The following FAM13A variants were observed in gnomAD, a reference collection of about 807,000 sequenced individuals.
FAM13A encodes the protein family with sequence similarity 13 member A.
FAM13A carries 76 observed loss-of-function variants against 129.6 expected under a neutral mutation model. The observed-to-expected ratio is 0.59, with a 90% confidence interval of 0.49 to 0.71. The LOEUF (loss-of-function observed/expected upper bound fraction) is 0.71. FAM13A is among the 30% of genes least tolerant of loss of function. The pLI is 0.00. For missense variants in FAM13A, 1,108 were observed against 1,249.3 expected, an observed-to-expected ratio of 0.89 and a Z score of 1.70; for synonymous variants, 443 against 449.9, an observed-to-expected ratio of 0.98 and a Z score of 0.20.
chr4:88,857,612 G>A (rs1354993994), intron 6 of FAM13A, among the ~76,000 whole-genome samples: 1 of 126,736 alleles, frequency 7.9e-6, no homozygotes, highest in African/African-American at 3.0e-5. Flanking sequence ...CTGGGCAACA[G>A]AGCAAGATTC....
rs534887444 is a variant in FAM13A at position 88,751,771 on chromosome 4, T to G, written c.1727-1134A>C. ...AAAAGATTTAAAAAATAGATGTCGA[T>G]GATATAAGGTATTTCATTTGTAATG... On this transcript the variant is annotated intron_variant, in intron 14 of 23. Transcript: ENST00000264344. Among the ~76,000 whole-genome samples, 7 of 152,324 alleles carry G rather than the reference T, an allele frequency of 4.6e-5. No homozygotes were observed. In the South Asian group the frequency reaches 1.5e-3, roughly 32 times the overall value.
At chr4:89,035,082 A>G (rs1769198809) in intron 1 of FAM13A, among the ~76,000 whole-genome samples, 1 of 152,198 alleles carries the variant, frequency 6.6e-6, no homozygotes, top group Non-Finnish European at 1.5e-5. Context: ...CTGGACATGG[A>G]TGCAGCTGGA....
At chr4:88,746,029 A>G (rs1377441500) in intron 19 of FAM13A, among the ~76,000 whole-genome samples, 2 of 152,142 alleles carry the variant, frequency 1.3e-5, no homozygotes, top group Non-Finnish European at 2.9e-5. Flanking sequence ...CACACCTTAG[A>G]GTCTAGTGAA....
intron 3 of FAM13A, among the ~76,000 whole-genome samples, chr4:89,016,614 C>A (rs898901872): frequency 2.6e-5 from 4 of 151,990 alleles, no homozygotes; most frequent in African/African-American, 9.7e-5. Context: ...TATATTTTTA[C>A]GTACCTTTTC....
At chr4:88,966,434 G>A (rs1264955015) in intron 4 of FAM13A, among the ~76,000 whole-genome samples, 4 of 152,170 alleles carry the variant, frequency 2.6e-5, no homozygotes, top group Non-Finnish European at 5.9e-5. Context: ...AGTTTCACCT[G>A]TCCTCTCTTA....
chr4:88,873,662 C>G (rs1007303829), intron 6 of FAM13A, among the ~76,000 whole-genome samples: 1 of 151,904 alleles, frequency 6.6e-6, no homozygotes, highest in African/African-American at 2.4e-5. Flanking sequence ...GCCTACCAAC[C>G]AAAAAAAGTC....
At chr4:88,817,793 T>C (rs1423241637) in intron 7 of FAM13A, among the ~76,000 whole-genome samples, 2 of 152,166 alleles carry the variant, frequency 1.3e-5, no homozygotes, top group African/African-American at 4.8e-5. Context: ...TCTTCCAATA[T>C]TGATGCGATG....
intron 4 of FAM13A, among the ~76,000 whole-genome samples, chr4:88,960,451 C>T (rs779006882): frequency 2.0e-5 from 3 of 152,156 alleles, no homozygotes; most frequent in Non-Finnish European, 2.9e-5. Context: ...ACAAGTTAGC[C>T]TGCCCAAATA....
chr4:88,943,762 G>A (rs1755168062), intron 4 of FAM13A, among the ~76,000 whole-genome samples: 2 of 152,138 alleles, frequency 1.3e-5, no homozygotes, highest in Non-Finnish European at 1.5e-5. Context: ...TACTAACTAA[G>A]CTCAAATAGA....
rs766635116 is a variant in FAM13A, at chr4:88,750,607, C to G, written c.1757G>C (p.Arg586Pro). 1.2e-6 allele frequency: 2 copies of G among 1,613,966 alleles called. No individual in the cohort carries two copies. Among genetic ancestry groups the G allele is most frequent in the South Asian group, 1.1e-5 (1 of 91,070 alleles). Residue 586 changes from arginine to proline, a missense_variant, in exon 15 of 24, where the codon CGG becomes CCG. Coordinates refer to ENST00000264344, the MANE Select transcript of FAM13A (RefSeq NM_014883.4). ...EPIPAFSSWQ[R>P]ENSDSDEAHL... is the part of the protein sequence containing the mutation. ...GGCTTCATCAGAGTCACTGTTCTCC[C>G]GCTGCCAGGAGGAGAAAGCAGGGAT...
At chr4:89,037,375 A>T (rs1368580216) in intron 1 of FAM13A, among the ~76,000 whole-genome samples, 1 of 152,218 alleles carries the variant, frequency 6.6e-6, no homozygotes, top group Non-Finnish European at 1.5e-5. Flanking sequence ...CAGGGCTTGT[A>T]GCCCCTTTGT....
chr4:88,992,411 C>T (rs1359696971), intron 3 of FAM13A, among the ~76,000 whole-genome samples: 1 of 152,060 alleles, frequency 6.6e-6, no homozygotes, highest in Admixed American at 6.6e-5. Flanking sequence ...GGATTGATTA[C>T]AGGTGCACAC....
chr4:88,779,754 G>A (rs1454724712), intron 11 of FAM13A, among the ~76,000 whole-genome samples: 1 of 152,138 alleles, frequency 6.6e-6, no homozygotes, highest in East Asian at 1.9e-4. Context: ...ATATTCTAAG[G>A]AGTAAATGTA....
intron 8 of FAM13A, among the ~76,000 whole-genome samples, chr4:88,797,519 C>A (rs1040895398): frequency 1.3e-5 from 2 of 152,126 alleles, no homozygotes; most frequent in Non-Finnish European, 2.9e-5. Flanking sequence ...CCCACTCTGG[C>A]CTCCGAAAGT....
chr4:88,921,225 G>C (rs1191322331), intron 5 of FAM13A, among the ~76,000 whole-genome samples: 16 of 151,744 alleles, frequency 1.1e-4, no homozygotes, highest in Admixed American at 1.1e-3. Flanking sequence ...TCCTCGAGAA[G>C]AGCAACTCCA....
At chr4:89,040,536 T>C (rs998298633) in intron 1 of FAM13A, among the ~76,000 whole-genome samples, 7 of 152,138 alleles carry the variant, frequency 4.6e-5, no homozygotes, top group Non-Finnish European at 7.4e-5. Flanking sequence ...ACATAGACAA[T>C]CATACTAGCT....
intron 14 of FAM13A, among the ~76,000 whole-genome samples, chr4:88,751,923 C>T (rs1742709312): frequency 6.6e-6 from 1 of 152,100 alleles, no homozygotes; most frequent in South Asian, 2.1e-4. Context: ...AACAGTTGCT[C>T]CTCTACCTAT....
intron 4 of FAM13A, among the ~76,000 whole-genome samples, chr4:88,983,802 T>G (rs1388518379): frequency 2.6e-5 from 4 of 152,126 alleles, no homozygotes; most frequent in African/African-American, 9.7e-5. Context: ...TACAAACTGA[T>G]CCTAAAATTT....
intron 6 of FAM13A, among the ~76,000 whole-genome samples, chr4:88,888,890 T>G (rs1002107407): frequency 5.0e-4 from 74 of 148,756 alleles, no homozygotes; most frequent in African/African-American, 1.7e-3. Context: ...GAGCCGAGAT[T>G]GTGCCACTGC....
Sources: gnomAD v4.1 joint callset for allele counts (sites outside exome capture counted in the v4.1 genomes callset) on GRCh38, gnomAD v4.1.1 for gene constraint, MANE v1.5 for transcripts, NCBI Gene and HGNC (gene_info 2026-07-23, HGNC 2026-07-21) for gene names.